Variants in CNTNAP2 observed in about 807,000 individuals in gnomAD.
CNTNAP2 encodes the protein contactin associated protein 2, also known as contactin-associated protein-like 2.
In CNTNAP2, 98 loss-of-function variants were observed where a neutral mutation model predicts 155.2. The ratio of observed to expected loss-of-function variants is 0.63; its 90% CI spans 0.54 to 0.75. The LOEUF (loss-of-function observed/expected upper bound fraction) is 0.75, where lower values mean the gene tolerates loss of function less well. CNTNAP2 is among the 30% of genes least tolerant of loss of function. The pLI is 0.00. For synonymous variants in CNTNAP2, 651 were observed against 631.2 expected, an observed-to-expected ratio of 1.03 and a Z score of -0.47; for missense variants, 1,727 against 1,688.1, an observed-to-expected ratio of 1.02 and a Z score of -0.40.
intron 3 of CNTNAP2, among the ~76,000 whole-genome samples, chr7:146,997,510 G>C (rs578248855): frequency 2.8e-4 from 43 of 152,206 alleles, no homozygotes; most frequent in Non-Finnish European, 5.9e-4. Context: ...TGTTCATCAG[G>C]AATATTGGCC....
chr7:148,127,935 T>C (rs995774415), intron 16 of CNTNAP2, among the ~76,000 whole-genome samples: 3 of 152,192 alleles, frequency 2.0e-5, no homozygotes, highest in Non-Finnish European at 2.9e-5. Flanking sequence ...AGTGGTGCAA[T>C]CTTGGCTCAC....
chr7:147,003,699 G>A (rs1299848877), intron 3 of CNTNAP2, among the ~76,000 whole-genome samples: 2 of 152,002 alleles, frequency 1.3e-5, no homozygotes, highest in Non-Finnish European at 2.9e-5. Context: ...ATAAAGCAAA[G>A]AAATGTCTAC....
chr7:148,356,952 C>G (rs941214015), intron 21 of CNTNAP2, among the ~76,000 whole-genome samples: 2 of 151,694 alleles, frequency 1.3e-5, no homozygotes, highest in African/African-American at 4.8e-5. Flanking sequence ...CAGTGCTTAA[C>G]AAATCAAGTG....
intron 13 of CNTNAP2, among the ~76,000 whole-genome samples, chr7:147,739,766 G>T (rs1221680086): frequency 2.0e-5 from 3 of 151,892 alleles, no homozygotes; most frequent in African/African-American, 7.3e-5. Context: ...ATAATAAAAT[G>T]TATCATCAAT....
At chr7:146,951,971 C>T (rs1387055036) in intron 3 of CNTNAP2, among the ~76,000 whole-genome samples, 1 of 151,778 alleles carries the variant, frequency 6.6e-6, no homozygotes, top group East Asian at 1.9e-4. Context: ...CTGGCAGAGA[C>T]ATAACAAAAG....
At chr7:147,787,891 T>C (rs887651916) in intron 13 of CNTNAP2, among the ~76,000 whole-genome samples, 1 of 152,162 alleles carries the variant, frequency 6.6e-6, no homozygotes, top group African/African-American at 2.4e-5. Flanking sequence ...TTAAGCAAAA[T>C]GTATAAGATT....
At chr7:148,087,494 C>A (rs1245144308) in intron 15 of CNTNAP2, among the ~76,000 whole-genome samples, 3 of 152,054 alleles carry the variant, frequency 2.0e-5, no homozygotes, top group African/African-American at 4.8e-5. Flanking sequence ...AGACTAGACC[C>A]AACTTCTTTC....
intron 16 of CNTNAP2, among the ~76,000 whole-genome samples, chr7:148,130,219 G>C (rs1013552525): frequency 6.6e-6 from 1 of 152,238 alleles, no homozygotes; most frequent in African/African-American, 2.4e-5. Flanking sequence ...ATAGGGGATA[G>C]ACTGTTTTAT....
At chr7:147,630,414 A>G (rs1428823109) in intron 12 of CNTNAP2, among the ~76,000 whole-genome samples, 1 of 152,014 alleles carries the variant, frequency 6.6e-6, no homozygotes, top group Admixed American at 6.6e-5. Flanking sequence ...ATCGACACCA[A>G]TCTTACTGAA....
At chr7:146,998,174 T>G (rs957845056) in intron 3 of CNTNAP2, among the ~76,000 whole-genome samples, 51 of 152,094 alleles carry the variant, frequency 3.4e-4, no homozygotes, top group African/African-American at 1.2e-3. Context: ...CATTTATTGC[T>G]ATAAACTTCT....
At chr7:147,237,920 A>G (rs1803847786) in intron 8 of CNTNAP2, among the ~76,000 whole-genome samples, 1 of 152,252 alleles carries the variant, frequency 6.6e-6, no homozygotes, top group Admixed American at 6.5e-5. Context: ...AAGTTAATAT[A>G]AAGTCTAGAA....
chr7:147,236,374 T>TC, intron 8 of CNTNAP2, among the ~76,000 whole-genome samples: 1 of 152,236 alleles, frequency 6.6e-6, no homozygotes, highest in Middle Eastern at 3.4e-3. Flanking sequence ...CTGCTGTGTG[T>TC]CACCTACTGA....
At chr7:147,428,424 A>G (rs978588763) in intron 10 of CNTNAP2, among the ~76,000 whole-genome samples, 3 of 151,904 alleles carry the variant, frequency 2.0e-5, no homozygotes, top group Admixed American at 2.0e-4. Context: ...CTTTTCTTTC[A>G]TCTCATACTT....
intron 1 of CNTNAP2, among the ~76,000 whole-genome samples, chr7:146,412,987 TTAGAG>T (rs1410162654): frequency 5.3e-5 from 8 of 152,162 alleles, no homozygotes; most frequent in Admixed American, 2.6e-4. Context: ...CCCCCCTCAG[TTAGAG>T]TAGACCACAA....
chr7:147,376,169 T>A (rs1390089218), intron 9 of CNTNAP2, among the ~76,000 whole-genome samples: 2 of 152,070 alleles, frequency 1.3e-5, no homozygotes, highest in Non-Finnish European at 2.9e-5. Flanking sequence ...TCATTAAACA[T>A]ACATGTTTTG....
intron 9 of CNTNAP2, among the ~76,000 whole-genome samples, chr7:147,317,589 A>G (rs936697968): frequency 6.6e-6 from 1 of 152,080 alleles, no homozygotes; most frequent in Non-Finnish European, 1.5e-5. Context: ...TCTTTCTCAA[A>G]TCTCACTTTA....
intron 3 of CNTNAP2, among the ~76,000 whole-genome samples, chr7:146,975,554 C>T (rs1398478915): frequency 6.6e-6 from 1 of 152,038 alleles, no homozygotes; most frequent in African/African-American, 2.4e-5. Context: ...AGAGTGCAGG[C>T]GTGAAGTATA....
At chr7:146,450,737 A>C (rs1796466864) in intron 1 of CNTNAP2, among the ~76,000 whole-genome samples, 1 of 152,202 alleles carries the variant, frequency 6.6e-6, no homozygotes, top group Admixed American at 6.5e-5. Flanking sequence ...TGTGGAATAA[A>C]AGATATTGTT....
intron 13 of CNTNAP2, among the ~76,000 whole-genome samples, chr7:147,816,389 G>A (rs1037952616): frequency 2.0e-5 from 3 of 151,918 alleles, no homozygotes; most frequent in African/African-American, 7.3e-5. Flanking sequence ...ATTGCTGTTT[G>A]GAATTGATTT....
Sources: allele counts gnomAD v4.1 joint callset (sites outside exome capture counted in the v4.1 genomes callset), GRCh38; gene constraint gnomAD v4.1.1; transcripts MANE v1.5; gene names NCBI Gene and HGNC (gene_info 2026-07-23, HGNC 2026-07-21).